ZNF385D: variants seen among roughly 807,000 people sequenced by gnomAD.
ZNF385D encodes the protein zinc finger protein 659.
In ZNF385D, 15 loss-of-function variants were observed where a neutral mutation model predicts 35.8. The observed-to-expected ratio is 0.42, with a 90% CI of 0.28 to 0.64. ZNF385D has a LOEUF of 0.64. Among genes scored for constraint, ZNF385D ranks in the 30% least tolerant of loss-of-function variants. The pLI, the probability that ZNF385D is intolerant of heterozygous loss-of-function variation, is 0.23. For missense variants in ZNF385D, 474 were observed against 494.6 expected (o/e 0.96, Z 0.39); for synonymous variants, 212 against 186.8 (o/e 1.13, Z -1.10).
chr3:22,122,830 T>C (rs1282918972), intron 3 of ZNF385D, among the ~76,000 whole-genome samples: 1 of 152,104 alleles, frequency 6.6e-6, no homozygotes. Context: ...CAACATCAAA[T>C]GCAAAGGCCC....
chr3:21,534,732 T>C (rs2125543386), intron 3 of ZNF385D, among the ~76,000 whole-genome samples: 1 of 152,256 alleles, frequency 6.6e-6, no homozygotes, highest in South Asian at 2.1e-4. Context: ...CCTTAATCTA[T>C]GGGAAAACTG....
chr3:22,175,857 T>C (rs971481599), intron 2 of ZNF385D, among the ~76,000 whole-genome samples: 1 of 149,992 alleles, frequency 6.7e-6, no homozygotes, highest in Non-Finnish European at 1.5e-5. Context: ...TTCCTCTATA[T>C]TCAAGACTAA....
intron 2 of ZNF385D, among the ~76,000 whole-genome samples, chr3:22,295,983 A>C (rs1702555857): frequency 6.6e-6 from 1 of 152,152 alleles, no homozygotes; most frequent in Non-Finnish European, 1.5e-5. Context: ...AATAAATAGG[A>C]AAGTTTCATG....
intron 2 of ZNF385D, among the ~76,000 whole-genome samples, chr3:22,237,266 C>T (rs780317764): frequency 3.9e-5 from 6 of 151,998 alleles, no homozygotes; most frequent in Non-Finnish European, 8.8e-5. Context: ...TTCCATTTAC[C>T]TAATTTTAAA....
At position 22,370,436 on chromosome 3, in the gene ZNF385D, G is replaced by A. The variant is rs1696850384; in HGVS notation, c.106+2014C>T. On this transcript the variant is annotated intron_variant, in intron 2 of 5. Coordinates refer to the ZNF385D transcript ENST00000494108. ...AAAGCTGGCAGTCCGAATTATATAA[G>A]TGCCACACAATTTTTATTTTATTTC... Among the ~76,000 whole-genome samples, 3 of 152,232 alleles carry A rather than the reference G, an allele frequency of 2.0e-5. No individual in the cohort carries two copies. In the South Asian group the frequency reaches 6.2e-4, roughly 32 times the overall value.
chr3:22,178,859 T>C (rs1695020775), intron 2 of ZNF385D, among the ~76,000 whole-genome samples: 1 of 152,216 alleles, frequency 6.6e-6, no homozygotes, highest in Non-Finnish European at 1.5e-5. Context: ...CCCCATTTCT[T>C]GTTTTTGCCA....
intron 1 of ZNF385D, among the ~76,000 whole-genome samples, chr3:21,737,694 C>A (rs1446486657): frequency 6.6e-6 from 1 of 152,102 alleles, no homozygotes; most frequent in Non-Finnish European, 1.5e-5. Context: ...TTCTATTGAA[C>A]ATATTCAAAG....
chr3:21,962,424 A>C (rs1280874161), intron 3 of ZNF385D, among the ~76,000 whole-genome samples: 1 of 152,216 alleles, frequency 6.6e-6, no homozygotes. Context: ...TTAATTTTGG[A>C]AATGTTAACC....
At chr3:22,019,724 G>A (rs1023749982) in intron 3 of ZNF385D, among the ~76,000 whole-genome samples, 8 of 151,958 alleles carry the variant, frequency 5.3e-5, no homozygotes, top group Non-Finnish European at 1.0e-4. Flanking sequence ...TTTATGCTTA[G>A]ATGTATGCCC....
chr3:21,871,111 A>G (rs1697668101), intron 3 of ZNF385D, among the ~76,000 whole-genome samples: 2 of 151,862 alleles, frequency 1.3e-5, no homozygotes, highest in East Asian at 3.9e-4. Flanking sequence ...TCTCAGTACA[A>G]CTCTCTTGCT....
chr3:21,759,036 A>G (rs2070483282), intron 3 of ZNF385D, among the ~76,000 whole-genome samples: 1 of 147,578 alleles, frequency 6.8e-6, no homozygotes, highest in Non-Finnish European at 1.5e-5. Flanking sequence ...ACAAGTCCTG[A>G]ACTCGAATGT....
chr3:22,160,841 AG>A (rs1443953801), intron 3 of ZNF385D, among the ~76,000 whole-genome samples: 1 of 152,154 alleles, frequency 6.6e-6, no homozygotes, highest in Non-Finnish European at 1.5e-5. Context: ...CTGACACGGT[AG>A]GTCAACTTGT....
At chr3:22,327,470 A>G (rs886603920) in intron 2 of ZNF385D, among the ~76,000 whole-genome samples, 50 of 152,166 alleles carry the variant, frequency 3.3e-4, no homozygotes, top group Non-Finnish European at 1.5e-5. Flanking sequence ...GGAAACATCA[A>G]CCACTTCCAG....
chr3:22,088,246 A>C (rs960275444), intron 3 of ZNF385D, among the ~76,000 whole-genome samples: 5 of 152,228 alleles, frequency 3.3e-5, no homozygotes, highest in African/African-American at 1.2e-4. Context: ...GGAGAAAGTG[A>C]AAATCCAAAA....
intron 3 of ZNF385D, among the ~76,000 whole-genome samples, chr3:21,815,895 C>G (rs548052360): frequency 6.6e-6 from 1 of 152,246 alleles, no homozygotes; most frequent in South Asian, 2.1e-4. Flanking sequence ...GAATTTTAGA[C>G]CAATATCCCT....
chr3:21,841,118 G>A (rs558048248), intron 3 of ZNF385D, among the ~76,000 whole-genome samples: 3 of 152,152 alleles, frequency 2.0e-5, no homozygotes, highest in African/African-American at 7.2e-5. Flanking sequence ...AGGACATTCA[G>A]AGCAATGATG....
chr3:21,586,514 A>G (rs1046477885), intron 2 of ZNF385D, among the ~76,000 whole-genome samples: 3 of 152,210 alleles, frequency 2.0e-5, no homozygotes, highest in Admixed American at 6.5e-5. Context: ...AGAATATTCT[A>G]TATTGATTGT....
intron 3 of ZNF385D, among the ~76,000 whole-genome samples, chr3:21,924,147 C>T (rs986996115): frequency 3.3e-5 from 5 of 152,144 alleles, no homozygotes; most frequent in African/African-American, 9.7e-5. Context: ...TAAGTAGTAA[C>T]TTCTGCTTCC....
chr3:22,311,935 G>A (rs1278460128), intron 2 of ZNF385D, among the ~76,000 whole-genome samples: 1 of 152,054 alleles, frequency 6.6e-6, no homozygotes, highest in African/African-American at 2.4e-5. Context: ...AGTCTTCATT[G>A]AGGCTACACA....
Sources: gnomAD v4.1 joint callset for allele counts (sites outside exome capture counted in the v4.1 genomes callset) on GRCh38, gnomAD v4.1.1 for gene constraint, MANE v1.5 for transcripts, NCBI Gene and HGNC (gene_info 2026-07-23, HGNC 2026-07-21) for gene names.